The following RNF139 variants were observed in gnomAD, a reference collection of about 807,000 sequenced individuals.
RNF139 encodes E3 ubiquitin-protein ligase RNF139.
RNF139 carries 15 observed loss-of-function variants against 49.5 expected under a neutral mutation model. The observed-to-expected ratio is 0.30, with a 90% CI of 0.20 to 0.47. The LOEUF (loss-of-function observed/expected upper bound fraction) is 0.47, where lower values mean the gene tolerates loss of function less well. Ranked by LOEUF, RNF139 falls within the 20% of genes least tolerant of loss-of-function variation. The pLI is 1.00. For synonymous variants in RNF139, 325 were observed against 300.9 expected (o/e 1.08, Z -0.83); for missense variants, 619 against 806.3 (o/e 0.77, Z 2.81).
chr8:124,485,247 C>G (rs541594855), intron 1 of RNF139, among the ~76,000 whole-genome samples: 25 of 152,208 alleles, frequency 1.6e-4, no homozygotes, highest in Admixed American at 3.3e-4. Context: ...GCCTGTAATC[C>G]CAGTTACTTG....
chr8:124,488,519 TTCTTTATTGAAACTA>T lies in RNF139; in HGVS notation c.*878_*892del. 2.7e-6 allele frequency: 2 copies of T among 743,948 alleles called. No individual in the cohort carries two copies. The highest frequency in any genetic ancestry group is 5.3e-5 in the East Asian group (2 of 37,660). The allele number at this position is 743,948 out of a possible 1,614,324, so 46.1% of individuals were successfully genotyped here. On this transcript the variant is annotated 3_prime_UTR_variant, in exon 2 of 2. Transcript: ENST00000303545. ...TTTCTTTAGACAACTTGCAGATAAT[TTCTTTATTGAAACTA>T]TCAGGAAGTTTTACTATGAAATTTT... is the stretch of plus-strand genomic sequence containing the variant.
At chr8:124,476,239 A>G (rs1322943839) in intron 1 of RNF139, among the ~76,000 whole-genome samples, 3 of 152,210 alleles carry the variant, frequency 2.0e-5, no homozygotes, top group South Asian at 2.1e-4. Flanking sequence ...AGGAGTGGCA[A>G]TAAAGGCCGA....
At position 124,488,570 on chromosome 8, in the gene RNF139, T is replaced by C. The variant is rs753350379; in HGVS notation, c.*926T>C. 3.3e-6 allele frequency: 4 copies of C among 1,200,108 alleles called. No homozygotes were observed. In the African/African-American group the frequency reaches 6.2e-5, roughly 18 times the overall value. The allele number at this position is 1,200,108 out of a possible 1,614,324, so 74.3% of individuals were successfully genotyped here. A position where few individuals can be genotyped will look rare whatever the true frequency, so the allele number is the denominator to read the frequency against. ...TTACTATGAAATTTTACATACATGA[T>C]GGAAAGTGGAAGACATATACCAATT... On this transcript the variant is annotated 3_prime_UTR_variant, in exon 2 of 2. Coordinates refer to ENST00000303545, the MANE Select transcript of RNF139 (RefSeq NM_007218.4).
At position 124,483,091 on chromosome 8, in the gene RNF139, A is replaced by ATT. The variant is rs1166798229; in HGVS notation, c.182-2738_182-2737dup. Among the ~76,000 whole-genome samples, 3 of 1,886 alleles carry ATT rather than the reference A, an allele frequency of 1.6e-3. 1 individual carries two copies. Among genetic ancestry groups the ATT allele is most frequent in the Non-Finnish European group, 2.9e-3 (3 of 1,038 alleles). The allele number at this position is 1,886 out of a possible 152,430, so 1.2% of individuals were successfully genotyped here. On this transcript the variant is annotated intron_variant, in intron 1 of 1. Coordinates refer to ENST00000303545, the MANE Select transcript of RNF139 (RefSeq NM_007218.4). ...ATATATATTATTTAAATATATATATATTTAAAAATATATATATTAAAAATA... is the reference window on the plus strand; with the variant it reads ...ATATATATTATTTAAATATATATATATTTTTAAAAATATATATATTAAAAATA...
At chr8:124,479,116 A>G (rs189974270) in intron 1 of RNF139, among the ~76,000 whole-genome samples, 1 of 151,972 alleles carries the variant, frequency 6.6e-6, no homozygotes, top group East Asian at 2.0e-4. Flanking sequence ...TTTTTGAGAC[A>G]GTCTCACTCT....
At chr8:124,479,582 C>T (rs1480910851) in intron 1 of RNF139, among the ~76,000 whole-genome samples, 6 of 152,126 alleles carry the variant, frequency 3.9e-5, no homozygotes, top group Non-Finnish European at 2.9e-5. Context: ...GGGAGCTCTC[C>T]TGTGCACTGT....
chr8:124,484,809 TG>T (rs1163050637), intron 1 of RNF139, among the ~76,000 whole-genome samples: 1 of 152,178 alleles, frequency 6.6e-6, no homozygotes, highest in African/African-American at 2.4e-5. Context: ...GTGTTACTTT[TG>T]TAATGTGAAG....
rs1298843327 is a variant in RNF139, at chr8:124,486,480, T to C, written c.831T>C (p.Ile277=). 1 of 1,614,190 alleles carries C rather than the reference T, an allele frequency of 6.2e-7. No homozygotes were observed. Among genetic ancestry groups the C allele is most frequent in the Non-Finnish European group, 8.5e-7 (1 of 1,180,022 alleles). ...FISWDDFWDL[I]CNLIISGCDS... ...CTTGGGATGATTTTTGGGACCTCATTTGCAATCTTATAATTAGTGGGTGCG... is the reference window on the plus strand; with the variant it reads ...CTTGGGATGATTTTTGGGACCTCATCTGCAATCTTATAATTAGTGGGTGCG... Residue 277 remains isoleucine, a synonymous_variant, in exon 2 of 2, where the codon ATT becomes ATC. Transcript: ENST00000303545.
chr8:124,484,528 T>C (rs572610926), intron 1 of RNF139, among the ~76,000 whole-genome samples: 1 of 152,206 alleles, frequency 6.6e-6, no homozygotes, highest in African/African-American at 2.4e-5. Context: ...AGAACAATAA[T>C]GGTACCTTCA....
intron 1 of RNF139, among the ~76,000 whole-genome samples, chr8:124,480,462 C>G (rs1018817103): frequency 1.4e-5 from 2 of 143,458 alleles, no homozygotes; most frequent in South Asian, 4.5e-4. Context: ...AACTACTGTA[C>G]TTACATTTAC....
chr8:124,485,803 C>T, intron 1 of RNF139, 28 bp from the exon 2 acceptor site: 4 of 1,530,044 alleles, frequency 2.6e-6, no homozygotes, highest in Non-Finnish European at 3.5e-6. Flanking sequence ...ATACTTCATT[C>T]AAATGACTTT....
At chr8:124,480,474 C>T (rs900004607) in intron 1 of RNF139, among the ~76,000 whole-genome samples, 2 of 150,234 alleles carry the variant, frequency 1.3e-5, no homozygotes, top group African/African-American at 4.9e-5. Flanking sequence ...TACATTTACC[C>T]ATTTATTATA....
chr8:124,487,880 G>A lies in RNF139; in HGVS notation c.*236G>A. On this transcript the variant is annotated 3_prime_UTR_variant, in exon 2 of 2. Transcript: ENST00000303545. ...TACATTATTGTACATAGAATAAAAT[G>A]TTTTCACATTTTTATGACAAAATTT... The A allele has an allele frequency of 2.5e-6, 1 of 399,844 alleles. No homozygotes were observed. The highest frequency in any genetic ancestry group is 7.5e-5 in the South Asian group (1 of 13,410). The allele number at this position is 399,844 out of a possible 1,614,324, so 24.8% of individuals were successfully genotyped here. A position where few individuals can be genotyped will look rare whatever the true frequency, so the allele number is the denominator to read the frequency against.
Position 124,486,246 on chromosome 8 carries a change from G to A in RNF139, c.597G>A (p.Lys199=). The change falls in exon 2 of 2, where the codon AAG becomes AAA. Residue 199 remains lysine (K), a synonymous_variant. Coordinates refer to ENST00000303545, the MANE Select transcript of RNF139 (RefSeq NM_007218.4). ...NTVFVLAVKL[K]WFYYSTRYVY... is the part of the protein sequence containing the mutation. Reference sequence around the variant, plus strand: ...TGTTTGTCCTGGCAGTGAAACTGAAGTGGTTTTATTATTCCACACGATATG... The same window carrying A: ...TGTTTGTCCTGGCAGTGAAACTGAAATGGTTTTATTATTCCACACGATATG... 6.2e-7 allele frequency: 1 copy of A among 1,614,160 alleles called. No individual in the cohort carries two copies.
At position 124,475,118 on chromosome 8, in the gene RNF139, C is replaced by T. The variant is rs1433551532; in HGVS notation, c.9C>T (p.Ala3=). ...TGGTGTGGCAGCGGCTCATGGCGGC[C>T]GTGGGGCCCCCGCAGCAGCAGGTGC... is the stretch of plus-strand genomic sequence containing the variant. MA[A]VGPPQQQVRM... The change falls in exon 1 of 2, where the codon GCC becomes GCT. Residue 3 remains alanine, a synonymous_variant. Coordinates refer to ENST00000303545, the MANE Select transcript of RNF139 (RefSeq NM_007218.4). 6.3e-7 allele frequency: 1 copy of T among 1,594,486 alleles called. No homozygotes were observed. Among genetic ancestry groups the T allele is most frequent in the African/African-American group, 1.4e-5 (1 of 73,918 alleles).
chr8:124,485,722 A>G (rs1463128877), intron 1 of RNF139, 109 bp from the exon 2 acceptor site: 1 of 980,396 alleles, frequency 1.0e-6, no homozygotes, highest in Non-Finnish European at 1.5e-6. Context: ...TAATGTTCAT[A>G]ACTGAAAATA....
chr8:124,482,620 G>A (rs118058547), intron 1 of RNF139, among the ~76,000 whole-genome samples: 1,860 of 152,008 alleles, frequency 0.012, 103 homozygotes, highest in Admixed American at 0.084. Context: ...CATGGAAGAA[G>A]TTTCTAATAA....
In RNF139 at chr8:124,487,414, G is replaced by A. The variant is rs1364802790; in HGVS notation, c.1765G>A (p.Val589Ile). The change falls in exon 2 of 2, where the codon GTA (valine) becomes ATA (isoleucine). Residue 589 changes from valine to isoleucine, a missense_variant. By Grantham distance (29) the Val-to-Ile change is conservative. Around this residue, in one of 2 missense-constraint regions of RNF139, gnomAD observed 530 missense variants for 728.9 expected, o/e 0.73. Transcript: ENST00000303545. ...TACTTGTCCAATGTGCCATCAGAAA[G>A]TATACATCGAAGATGATATCAAGGA... is the stretch of plus-strand genomic sequence containing the variant. ...QDTCPMCHQK[V>I]YIEDDIKDNS... 5.0e-6 allele frequency: 8 copies of A among 1,614,104 alleles called. No homozygotes were observed. In the African/African-American group the frequency reaches 9.3e-5, roughly 19 times the overall value.
intron 1 of RNF139, among the ~76,000 whole-genome samples, chr8:124,482,431 C>T (rs938216041): frequency 3.9e-5 from 6 of 152,098 alleles, no homozygotes; most frequent in African/African-American, 1.2e-4. Context: ...TTTCTCCCCT[C>T]TAAGTGGCAT....
Sources: gnomAD v4.1 joint callset for allele counts (sites outside exome capture counted in the v4.1 genomes callset) on GRCh38, gnomAD v4.1.1 for gene constraint, gnomAD v4.1.1 regional missense constraint, MANE v1.5 for transcripts, NCBI Gene and HGNC (gene_info 2026-07-23, HGNC 2026-07-21) for gene names.